Variants in SEMA7A observed in about 807,000 individuals in gnomAD.
The protein encoded by SEMA7A is semaphorin 7A (JohnMiltonHagen blood group).
SEMA7A carries 21 observed loss-of-function variants against 67.5 expected under a neutral mutation model. That is an observed-to-expected ratio of 0.31 (90% CI 0.22 to 0.45). The LOEUF is 0.45. Ranked by LOEUF, SEMA7A falls within the 20% of genes least tolerant of loss-of-function variation. The pLI, the probability that SEMA7A is intolerant of heterozygous loss-of-function variation, is 1.00. For missense variants in SEMA7A, 774 were observed against 908.6 expected (o/e 0.85, Z 1.90); for synonymous variants, 364 against 368.5 (o/e 0.99, Z 0.14).
chr15:74,428,432 A>C lies in SEMA7A; in HGVS notation c.178+5309T>G, dbSNP rs368795394. On this transcript the variant is annotated intron_variant, in intron 1 of 13. Coordinates refer to ENST00000261918, the MANE Select transcript of SEMA7A (RefSeq NM_003612.5). ...CCAGTCCCTGTCATCTCTGAGCCTC[A>C]GTTTCCCCATCTGTGGAATGTTTGG... 2.6e-5 allele frequency among the ~76,000 whole-genome samples: 4 copies of C among 152,300 alleles called. No individual in the cohort carries two copies. In the East Asian group the frequency reaches 7.7e-4, roughly 29 times the overall value.
At chr15:74,419,588 T>C (rs1302868059) in intron 1 of SEMA7A, among the ~76,000 whole-genome samples, 1 of 152,086 alleles carries the variant, frequency 6.6e-6, no homozygotes, top group Non-Finnish European at 1.5e-5. Flanking sequence ...ATTTCACAGA[T>C]GGGAAAACAG....
chr15:74,431,518 T>C (rs763142942), intron 1 of SEMA7A, among the ~76,000 whole-genome samples: 29 of 152,160 alleles, frequency 1.9e-4, no homozygotes, highest in Non-Finnish European at 3.2e-4. Context: ...AAAACCCCCA[T>C]CTATGCCTCA....
At position 74,427,145 on chromosome 15, in the gene SEMA7A, C is replaced by T. The variant is rs370659827; in HGVS notation, c.178+6596G>A. ...CCAGACTGCTCCAGCCCTCACTGCC[C>T]GTACCTTCGACCTTGTACCACAAAC... is the stretch of plus-strand genomic sequence containing the variant. On this transcript the variant is annotated intron_variant, in intron 1 of 13. Transcript: ENST00000261918. 31 of 912,614 alleles carry T rather than the reference C, an allele frequency of 3.4e-5. No homozygotes were observed. In the East Asian group the frequency reaches 2.1e-3, roughly 62 times the overall value. 56.5% of individuals were successfully genotyped at this position (912,614 alleles called of 1,614,324 possible).
intron 8 of SEMA7A, 101 bp from the exon 9 acceptor site, chr15:74,415,047 A>G: frequency 3.4e-6 from 3 of 893,868 alleles, no homozygotes; most frequent in Non-Finnish European, 5.5e-6. Context: ...GTTGCCAACC[A>G]CCACTGAAAA....
chr15:74,418,368 C>T, intron 2 of SEMA7A, 59 bp from the exon 3 acceptor site: 26 of 1,534,558 alleles, frequency 1.7e-5, no homozygotes, highest in Non-Finnish European at 2.2e-5. Context: ...CCCTGAAATG[C>T]TTTCCACACA....
At chr15:74,418,771 G>C (rs199640283) in intron 2 of SEMA7A, 30 bp downstream of exon 2, 28 of 1,608,550 alleles carry the variant, frequency 1.7e-5, no homozygotes, top group Non-Finnish European at 2.2e-5. Flanking sequence ...AAGAGGGTAG[G>C]GGGGGTGTTG....
In SEMA7A at chr15:74,411,380, G is replaced by C; in HGVS notation, c.1578-24C>G. On this transcript the variant is annotated intron_variant, in intron 12 of 13. Coordinates refer to ENST00000261918, the MANE Select transcript of SEMA7A (RefSeq NM_003612.5). The surrounding 1 kb of genome is among the most constrained non-coding windows in gnomAD (Gnocchi z 4.4). ...ACCTGGAGTGGGAAGGACGAAAGAGGATCAGCAGATACAAGGCTGCAGACC... is the reference window on the plus strand; with the variant it reads ...ACCTGGAGTGGGAAGGACGAAAGAGCATCAGCAGATACAAGGCTGCAGACC... The C allele has an allele frequency of 6.2e-7, 1 of 1,612,468 alleles. No individual in the cohort carries two copies. The highest frequency in any genetic ancestry group is 8.5e-7 in the Non-Finnish European group (1 of 1,179,074).
chr15:74,425,204 C>A (rs558762118), intron 1 of SEMA7A, among the ~76,000 whole-genome samples: 1 of 152,176 alleles, frequency 6.6e-6, no homozygotes. Flanking sequence ...ATGATGATGC[C>A]CCTACCACCC....
rs2060902471 is a variant in SEMA7A, at chr15:74,411,728, T to C, written c.1423-18A>G. ...AGCTTCCTCTGGAAGGACAGCAGGA[T>C]TGGGTCAGGCCCGGGCCCCACCCCA... On this transcript the variant is annotated intron_variant, in intron 11 of 13. Coordinates refer to ENST00000261918, the MANE Select transcript of SEMA7A (RefSeq NM_003612.5). The surrounding 1 kb of genome is among the most constrained non-coding windows in gnomAD (Gnocchi z 4.4). 4 of 1,611,690 alleles carry C rather than the reference T, an allele frequency of 2.5e-6. No individual in the cohort carries two copies. Among genetic ancestry groups the C allele is most frequent in the African/African-American group, 1.3e-5 (1 of 74,908 alleles).
At chr15:74,412,044 G>A (rs757296602) in intron 10 of SEMA7A, 32 bp from the exon 11 acceptor site, 5 of 1,612,408 alleles carry the variant, frequency 3.1e-6, no homozygotes, top group Non-Finnish European at 4.2e-6. Flanking sequence ...TCAGTGGGCG[G>A]GAGTCCCACT....
intron 1 of SEMA7A, among the ~76,000 whole-genome samples, chr15:74,431,012 A>C (rs2061083878): frequency 6.6e-6 from 1 of 152,180 alleles, no homozygotes; most frequent in Non-Finnish European, 1.5e-5. Context: ...TTCACCTCTG[A>C]CCTTGGGGTT....
Position 74,416,637 on chromosome 15 carries a change from C to T in SEMA7A, c.739G>A (p.Asp247Asn), listed in dbSNP as rs150057109. The T allele has an allele frequency of 2.0e-5, 32 of 1,614,010 alleles. No individual in the cohort carries two copies. The highest frequency in any genetic ancestry group is 2.7e-5 in the African/African-American group (2 of 74,912). The change falls in exon 7 of 14, where the codon GAC (aspartate) becomes AAC (asparagine). Residue 247 changes from aspartate to asparagine, a missense_variant. By Grantham distance (23) the Asp-to-Asn change is conservative. Transcript: ENST00000261918. Reference sequence around the variant, plus strand: ...GCCTCAGGATTCTTGTCAGGATTGTCCTCTCGGAAGAAGTAGTAGATCTTG... The same window carrying T: ...GCCTCAGGATTCTTGTCAGGATTGTTCTCTCGGAAGAAGTAGTAGATCTTG... ...DDKIYYFFRE[D>N]NPDKNPEAPL...
In SEMA7A at chr15:74,417,795, C is replaced by T. The variant is rs2141278419; in HGVS notation, c.465+82G>A. On this transcript the variant is annotated intron_variant, in intron 4 of 13. Transcript: ENST00000261918. Reference sequence around the variant, plus strand: ...GGGCAAGGCCAGCATTGGAGTCTCGCCATCTCCTTCCCACCATGAGGGGCA... The same window carrying T: ...GGGCAAGGCCAGCATTGGAGTCTCGTCATCTCCTTCCCACCATGAGGGGCA... 4 of 1,563,164 alleles carry T rather than the reference C, an allele frequency of 2.6e-6. No individual in the cohort carries two copies. In the South Asian group the frequency reaches 3.3e-5, roughly 13 times the overall value.
rs1010738872 is a variant in SEMA7A, at chr15:74,433,724, C to A, written c.178+17G>T. The stretch of plus-strand genomic sequence containing the variant: ...GCGTCTGATCCCGCGCCTGACCGGC[C>A]GCGCGGCGCCGCCTACCTTTCCAGA... On this transcript the variant is annotated intron_variant, in intron 1 of 13. Coordinates refer to ENST00000261918, the MANE Select transcript of SEMA7A (RefSeq NM_003612.5). The A allele has an allele frequency of 1.4e-4, 197 of 1,422,828 alleles. No individual in the cohort carries two copies. Among genetic ancestry groups the A allele is most frequent in the Non-Finnish European group, 1.6e-4 (172 of 1,095,404 alleles). The allele number at this position is 1,422,828 out of a possible 1,614,324, so 88.1% of individuals were successfully genotyped here. A position where few individuals can be genotyped will look rare whatever the true frequency, so the allele number is the denominator to read the frequency against.
At position 74,410,806 on chromosome 15, in the gene SEMA7A, G is replaced by C; in HGVS notation, c.1819C>G (p.Gln607Glu). The C allele has an allele frequency of 6.2e-7, 1 of 1,614,218 alleles. No individual in the cohort carries two copies. Among genetic ancestry groups the C allele is most frequent in the Non-Finnish European group, 8.5e-7 (1 of 1,180,044 alleles). The change falls in exon 14 of 14, where the codon CAG (glutamine) becomes GAG (glutamate). Residue 607 changes from glutamine (Q) to glutamate (E), a missense_variant. Transcript: ENST00000261918. This position sits in a 1 kb window ranked among gnomAD's most constrained non-coding sequence, Gnocchi z 7.5. ...ILFIENLTAQQYGHYFCEAQE... is the reference protein window; with the variant it reads ...ILFIENLTAQEYGHYFCEAQE... ...GCCTCGCAGAAGTAGTGGCCGTACT[G>C]CTGCGCCGTGAGGTTCTCGATGAAC... is the stretch of plus-strand genomic sequence containing the variant.
At chr15:74,427,338 T>C in intron 1 of SEMA7A, 1 of 985,388 alleles carries the variant, frequency 1.0e-6, no homozygotes, top group Non-Finnish European at 1.2e-6. Flanking sequence ...CAAACTCCCA[T>C]GCCAGAGGGA....
At chr15:74,422,929 T>C (rs2061012506) in intron 1 of SEMA7A, among the ~76,000 whole-genome samples, 1 of 151,746 alleles carries the variant, frequency 6.6e-6, no homozygotes, top group South Asian at 2.1e-4. Flanking sequence ...GAGGGCAGAG[T>C]GGGAGGTGTT....
intron 1 of SEMA7A, among the ~76,000 whole-genome samples, 189 bp from the exon 2 acceptor site, chr15:74,419,141 G>A (rs543872741): frequency 2.6e-5 from 4 of 152,258 alleles, no homozygotes; most frequent in East Asian, 1.9e-4. Context: ...GAGATCCTCC[G>A]GTGGGCTCCA....
chr15:74,432,215 C>A (rs1198659533), intron 1 of SEMA7A, among the ~76,000 whole-genome samples: 1 of 152,068 alleles, frequency 6.6e-6, no homozygotes, highest in South Asian at 2.1e-4. Context: ...CTCCAGAGTG[C>A]CCACACGCTA....
Sources: gnomAD v4.1 joint callset for allele counts (sites outside exome capture counted in the v4.1 genomes callset) on GRCh38, gnomAD v4.1.1 for gene constraint, Gnocchi (gnomAD v3.1) non-coding constraint, MANE v1.5 for transcripts, NCBI Gene and HGNC (gene_info 2026-07-23, HGNC 2026-07-21) for gene names.